Variants in FOXN3 observed in about 807,000 individuals in gnomAD.
FOXN3 encodes forkhead box N3, also known as forkhead box protein N3.
A neutral mutation model predicts 38.4 loss-of-function variants in FOXN3; 7 were observed. That is an observed-to-expected ratio of 0.18 (90% CI 0.10 to 0.34). The LOEUF is 0.34. FOXN3 is among the 10% of genes least tolerant of loss of function. The pLI, the probability that FOXN3 is intolerant of heterozygous loss-of-function variation, is 1.00. For synonymous variants in FOXN3, 230 were observed against 242.2 expected, an observed-to-expected ratio of 0.95 and a Z score of 0.47; for missense variants, 456 against 613.4, an observed-to-expected ratio of 0.74 and a Z score of 2.71.
intron 1 of FOXN3, among the ~76,000 whole-genome samples, chr14:89,436,289 T>TTAAA (rs112150615): frequency 7.4e-6 from 1 of 134,834 alleles, no homozygotes; most frequent in South Asian, 2.5e-4. Context: ...GTTTATTCAT[T>TTAAA]AAAAAAAAAA....
intron 1 of FOXN3, among the ~76,000 whole-genome samples, chr14:89,451,518 A>G (rs1286372606): frequency 1.3e-5 from 2 of 152,208 alleles, no homozygotes; most frequent in African/African-American, 4.8e-5. Context: ...TTAGATTGAT[A>G]TAATTTCAGT....
At position 89,440,321 on chromosome 14, in the gene FOXN3, A is replaced by G. The variant is rs185717761; in HGVS notation, c.-14-27831T>C. ...CTTTATAGGCCTTGGGGATACCAGA[A>G]TATCTCAAACGCATGGAGCAGAGAG... On this transcript the variant is annotated intron_variant, in intron 1 of 6. Transcript: ENST00000345097. Among the ~76,000 whole-genome samples, 157 of 150,520 alleles carry G rather than the reference A, an allele frequency of 1.0e-3. 1 individual carries two copies. Among genetic ancestry groups the G allele is most frequent in the Non-Finnish European group, 2.0e-3 (134 of 67,998 alleles).
intron 5 of FOXN3, among the ~76,000 whole-genome samples, chr14:89,179,887 T>G (rs1887618721): frequency 6.6e-6 from 1 of 152,178 alleles, no homozygotes; most frequent in African/African-American, 2.4e-5. Flanking sequence ...CTGGGCATAT[T>G]TGGGGAACAC....
chr14:89,413,117 G>A lies in FOXN3; in HGVS notation c.-14-627C>T, dbSNP rs1021376066. ...CACGGAGTAAAATAACATCTGATGAGAAAAGAAAACGAGGAGGTGGTACGT... is the reference window on the plus strand; with the variant it reads ...CACGGAGTAAAATAACATCTGATGAAAAAAGAAAACGAGGAGGTGGTACGT... On this transcript the variant is annotated intron_variant, in intron 1 of 5. Transcript: ENST00000557258. Among the ~76,000 whole-genome samples, 30 of 152,190 alleles carry A rather than the reference G, an allele frequency of 2.0e-4. No homozygotes were observed. In the East Asian group the frequency reaches 5.6e-3, roughly 28 times the overall value.
At chr14:89,229,171 G>C (rs1884727613) in intron 4 of FOXN3, among the ~76,000 whole-genome samples, 1 of 152,128 alleles carries the variant, frequency 6.6e-6, no homozygotes, top group Admixed American at 6.5e-5. Context: ...CGTGTCTAGG[G>C]AAAAAGAGGT....
At chr14:89,504,422 TGGTGAGC>T (rs1301315906) in intron 1 of FOXN3, among the ~76,000 whole-genome samples, 2 of 152,228 alleles carry the variant, frequency 1.3e-5, no homozygotes, top group Non-Finnish European at 2.9e-5. Flanking sequence ...ACCTCCTTGT[TGGTGAGC>T]TGGGAGAACA....
chr14:89,457,981 G>T (rs897102634), intron 1 of FOXN3, among the ~76,000 whole-genome samples: 5 of 133,422 alleles, frequency 3.7e-5, no homozygotes, highest in African/African-American at 1.4e-4. Flanking sequence ...AGTGAGCCAA[G>T]ATTGCGCCAT....
chr14:89,477,016 T>C (rs921043121), intron 1 of FOXN3, among the ~76,000 whole-genome samples: 2 of 147,260 alleles, frequency 1.4e-5, no homozygotes, highest in Admixed American at 6.8e-5. Flanking sequence ...ATTTCAAAAA[T>C]AGTTTTAGGG....
chr14:89,579,639 C>G (rs1029232617), intron 1 of FOXN3, among the ~76,000 whole-genome samples: 2 of 152,026 alleles, frequency 1.3e-5, no homozygotes, highest in Non-Finnish European at 2.9e-5. Context: ...CCACACAGGT[C>G]CTTCTTCCTG....
Position 89,527,784 on chromosome 14 carries a change from C to T in FOXN3, c.-15+91244G>A, listed in dbSNP as rs191519685. Among the ~76,000 whole-genome samples the T allele has an allele frequency of 4.7e-4, 71 of 151,492 alleles. 1 individual carries two copies. In the East Asian group the frequency reaches 0.013, roughly 27 times the overall value. On this transcript the variant is annotated intron_variant, in intron 1 of 6. Transcript: ENST00000345097. ...TGGTGTGATCTCAGCCCTCTGCAAC[C>T]TCTGCCTCCCAGGTTCAAGCAATTC...
At chr14:89,464,848 C>T (rs1271243597) in intron 1 of FOXN3, among the ~76,000 whole-genome samples, 1 of 152,104 alleles carries the variant, frequency 6.6e-6, no homozygotes, top group Non-Finnish European at 1.5e-5. Context: ...CAGCTGCCCA[C>T]CACCACGCCC....
At chr14:89,428,251 A>G (rs545488581) in intron 1 of FOXN3, among the ~76,000 whole-genome samples, 3 of 152,320 alleles carry the variant, frequency 2.0e-5, no homozygotes, top group African/African-American at 7.2e-5. Flanking sequence ...AATTTATTCC[A>G]TTTATTACAA....
At chr14:89,589,739 C>T (rs373138508) in intron 1 of FOXN3, among the ~76,000 whole-genome samples, 4 of 14,220 alleles carry the variant, frequency 2.8e-4, no homozygotes, top group South Asian at 9.0e-4. Flanking sequence ...GGCGGGGGGG[C>T]GGGGGGTGCC....
At chr14:89,222,305 A>G (rs1021950887) in intron 4 of FOXN3, among the ~76,000 whole-genome samples, 3 of 152,234 alleles carry the variant, frequency 2.0e-5, no homozygotes, top group Non-Finnish European at 4.4e-5. Flanking sequence ...AACATCTGTC[A>G]GCGTTGCCTG....
chr14:89,552,773 C>T (rs770994512), intron 1 of FOXN3, among the ~76,000 whole-genome samples: 6 of 152,002 alleles, frequency 3.9e-5, no homozygotes, highest in Non-Finnish European at 7.4e-5. Flanking sequence ...ACAGGAGAAT[C>T]GCTTGAACCC....
At chr14:89,404,683 C>G (rs758358661) in intron 2 of FOXN3, among the ~76,000 whole-genome samples, 4 of 151,934 alleles carry the variant, frequency 2.6e-5, no homozygotes, top group Non-Finnish European at 5.9e-5. Flanking sequence ...GTGACATAGC[C>G]TATAGCACAG....
At chr14:89,602,915 T>G (rs1896182371) in intron 1 of FOXN3, among the ~76,000 whole-genome samples, 1 of 152,232 alleles carries the variant, frequency 6.6e-6, no homozygotes, top group Admixed American at 6.5e-5. Context: ...AGGTTGATAG[T>G]GCTCTTTATA....
chr14:89,282,411 ACAG>A (rs1188373423), intron 3 of FOXN3, among the ~76,000 whole-genome samples: 1 of 152,198 alleles, frequency 6.6e-6, no homozygotes, highest in East Asian at 1.9e-4. Context: ...TCACAGGGTA[ACAG>A]CAGACCGGAC....
chr14:89,226,438 G>C (rs1227414070), intron 4 of FOXN3, among the ~76,000 whole-genome samples: 2 of 152,042 alleles, frequency 1.3e-5, no homozygotes. Flanking sequence ...ACCACGCCCA[G>C]GTAAGTTTTA....
Sources: gnomAD v4.1 joint callset for allele counts (sites outside exome capture counted in the v4.1 genomes callset) on GRCh38, gnomAD v4.1.1 for gene constraint, MANE v1.5 for transcripts, NCBI Gene and HGNC (gene_info 2026-07-23, HGNC 2026-07-21) for gene names.